CLNK: variants seen among roughly 807,000 people sequenced by gnomAD.
CLNK encodes the protein cytokine dependent hematopoietic cell linker, also known as cytokine-dependent hematopoietic cell linker.
CLNK carries 74 observed loss-of-function variants against 68.6 expected under a neutral mutation model. The ratio of observed to expected loss-of-function variants is 1.08; its 90% confidence interval spans 0.89 to 1.31. The LOEUF is 1.31. Among genes scored for constraint, CLNK ranks in the 50% most tolerant of loss-of-function variants. CLNK has a pLI of 0.00. For synonymous variants in CLNK, 198 were observed against 172.2 expected (o/e 1.15, Z -1.17); for missense variants, 553 against 515.3 (o/e 1.07, Z -0.71).
intron 2 of CLNK, among the ~76,000 whole-genome samples, chr4:10,649,400 T>G (rs1723642122): frequency 6.6e-6 from 1 of 152,192 alleles, no homozygotes; most frequent in South Asian, 2.1e-4. Context: ...AGCAAAGAAC[T>G]GAAATCGCTT....
chr4:10,581,014 T>C (rs1211389968), intron 4 of CLNK, among the ~76,000 whole-genome samples: 1 of 152,148 alleles, frequency 6.6e-6, no homozygotes, highest in Non-Finnish European at 1.5e-5. Context: ...CCTACACAGG[T>C]GTACCCCTTT....
At chr4:10,495,993 A>G (rs1254659224) in intron 18 of CLNK, among the ~76,000 whole-genome samples, 1 of 152,184 alleles carries the variant, frequency 6.6e-6, no homozygotes, top group African/African-American at 2.4e-5. Flanking sequence ...TGCTGATACC[A>G]TGATATTGGA....
intron 15 of CLNK, chr4:10,517,417 A>G (rs999156520): frequency 1.3e-5 from 2 of 152,210 alleles, no homozygotes; most frequent in African/African-American, 4.8e-5. Context: ...TTACAGATTG[A>G]TTTAAAAATT....
intron 11 of CLNK, among the ~76,000 whole-genome samples, chr4:10,537,723 C>CTTTCTTTCTTTCTTTCTTTCTTTCTT (rs1560207031): frequency 1.7e-5 from 2 of 116,228 alleles, no homozygotes. Context: ...TTCTTTCTTT[C>CTTTCTTTCTTTCTTTCTTTCTTTCTT]TTTCTTTCTT....
intron 7 of CLNK, among the ~76,000 whole-genome samples, chr4:10,561,119 C>A (rs1719873109): frequency 6.6e-6 from 1 of 151,800 alleles, no homozygotes; most frequent in Non-Finnish European, 1.5e-5. Context: ...CAGGCTGCTA[C>A]TGAGCTCCTG....
At chr4:10,526,602 G>A (rs12641877) in intron 13 of CLNK, among the ~76,000 whole-genome samples, 90,567 of 151,888 alleles carry the variant, frequency 0.6, 28,472 homozygotes, top group Non-Finnish European at 0.71. Context: ...TGCACAGCTC[G>A]TCATGGCGCT....
intron 18 of CLNK, among the ~76,000 whole-genome samples, chr4:10,499,117 A>G (rs1716929260): frequency 6.6e-6 from 1 of 152,138 alleles, no homozygotes; most frequent in African/African-American, 2.4e-5. Flanking sequence ...AGCTCATTAC[A>G]GACACCCCTT....
At chr4:10,650,892 G>T (rs1723704604) in intron 2 of CLNK, among the ~76,000 whole-genome samples, 3 of 151,930 alleles carry the variant, frequency 2.0e-5, no homozygotes, top group Admixed American at 6.6e-5. Context: ...GTAGGTAAAG[G>T]ATATGAACAG....
At chr4:10,701,303 C>T in the CLNK span, among the ~76,000 whole-genome samples, 2 of 152,178 alleles carry the variant, frequency 1.3e-5, no homozygotes, top group African/African-American at 4.8e-5. Context: ...TCTTCCTTGC[C>T]TCTCTCTTAG....
At chr4:10,692,042 T>C in the CLNK span, 1 of 118,748 alleles carries the variant, frequency 8.4e-6, no homozygotes, top group Admixed American at 8.2e-5. Context: ...TTTTAAATGT[T>C]TTTTTTTTCT....
intron 18 of CLNK, 86 bp downstream of exon 18, chr4:10,501,170 C>G (rs1364847653): frequency 1.5e-6 from 2 of 1,363,322 alleles, no homozygotes; most frequent in Non-Finnish European, 2.0e-6. Context: ...GGGCGGCATC[C>G]TCTTCCTCCA....
intron 11 of CLNK, among the ~76,000 whole-genome samples, chr4:10,537,678 T>TCTTTCTTTCTTCCTTC (rs1718836142): frequency 7.8e-5 from 3 of 38,532 alleles, no homozygotes; most frequent in Admixed American, 3.3e-4. Context: ...TTTCTTTCTT[T>TCTTTCTTTCTTCCTTC]CTTCCTTCCT....
chr4:10,573,358 G>A (rs1027234211), intron 4 of CLNK, among the ~76,000 whole-genome samples: 1 of 152,100 alleles, frequency 6.6e-6, no homozygotes, highest in Non-Finnish European at 1.5e-5. Context: ...ATAATGAGCT[G>A]GGAGGAACAG....
chr4:10,586,138 C>T (rs1577147884), intron 3 of CLNK, among the ~76,000 whole-genome samples: 1 of 145,132 alleles, frequency 6.9e-6, no homozygotes, highest in Non-Finnish European at 1.5e-5. Flanking sequence ...CTTGCTTGTC[C>T]ACTGCCCACC....
At chr4:10,645,132 C>T (rs1485009864) in intron 2 of CLNK, among the ~76,000 whole-genome samples, 1 of 152,216 alleles carries the variant, frequency 6.6e-6, no homozygotes, top group East Asian at 1.9e-4. Flanking sequence ...AAAGCCTTCC[C>T]TGATCTCCTT....
intron 2 of CLNK, among the ~76,000 whole-genome samples, chr4:10,600,928 G>A (rs1721568869): frequency 6.6e-6 from 1 of 152,206 alleles, no homozygotes; most frequent in African/African-American, 2.4e-5. Flanking sequence ...TAGAGTCTGA[G>A]AGTTTCTTAA....
chr4:10,501,093 C>G (rs1308214966), intron 18 of CLNK, among the ~76,000 whole-genome samples, 163 bp downstream of exon 18: 3 of 152,180 alleles, frequency 2.0e-5, no homozygotes, highest in Admixed American at 2.0e-4. Context: ...GCCTGGTAGG[C>G]CAAAGTGTAA....
chr4:10,699,508 A>ATTTTTT, the CLNK span, among the ~76,000 whole-genome samples: 1 of 19,762 alleles, frequency 5.1e-5, no homozygotes, highest in Admixed American at 7.2e-4. Flanking sequence ...ATATATATAT[A>ATTTTTT]TATATTTTTT....
intron 1 of CLNK, among the ~76,000 whole-genome samples, chr4:10,674,069 C>A (rs1019013286): frequency 6.6e-6 from 1 of 152,122 alleles, no homozygotes; most frequent in Non-Finnish European, 1.5e-5. Context: ...TTGTGGAACC[C>A]GGAGTCACAG....
Sources: allele counts gnomAD v4.1 joint callset (sites outside exome capture counted in the v4.1 genomes callset), GRCh38; gene constraint gnomAD v4.1.1; transcripts MANE v1.5; gene names NCBI Gene and HGNC (gene_info 2026-07-23, HGNC 2026-07-21).